Variants in PIAS2 observed in about 807,000 individuals in gnomAD.
The protein encoded by PIAS2 is E3 SUMO-protein ligase PIAS2.
A neutral mutation model predicts 69.7 loss-of-function variants in PIAS2; 19 were observed. That is an observed-to-expected ratio of 0.27 (90% CI 0.19 to 0.40). The LOEUF (loss-of-function observed/expected upper bound fraction) is 0.40. Ranked by LOEUF, PIAS2 falls within the 10% of genes least tolerant of loss-of-function variation. The probability of loss-of-function intolerance (pLI) is 1.00; values close to 1 mark genes in which losing one functional copy is unlikely to be tolerated. For synonymous variants in PIAS2, 261 were observed against 263.2 expected, an observed-to-expected ratio of 0.99 and a Z score of 0.08; for missense variants, 624 against 757.0, an observed-to-expected ratio of 0.82 and a Z score of 2.06.
intron 12 of PIAS2, chr18:46,817,854 A>G: frequency 1.0e-6 from 1 of 965,564 alleles, no homozygotes; most frequent in African/African-American, 1.8e-5. Flanking sequence ...TTACATTTTA[A>G]GCAGAATATT....
At chr18:46,846,063 T>C (rs1373744836) in intron 6 of PIAS2, among the ~76,000 whole-genome samples, 1 of 152,220 alleles carries the variant, frequency 6.6e-6, no homozygotes. Context: ...AGAAATTAAC[T>C]GAAATCTCCT....
rs2054797351 is a variant in PIAS2, at chr18:46,895,959, G to A, written c.25-4905C>T. Among the ~76,000 whole-genome samples the A allele has an allele frequency of 2.0e-5, 3 of 151,692 alleles. No homozygotes were observed. The South Asian group carries it at 6.2e-4, about 32-fold the overall frequency. ...AGATAATGATTACAATAACTCCTAG[G>A]TTAAAGAAATCAAATTGAAAATCAA... On this transcript the variant is annotated intron_variant, in intron 1 of 13. Coordinates refer to ENST00000585916, the MANE Select transcript of PIAS2 (RefSeq NM_004671.5).
Position 46,803,472 on chromosome 18 carries a change from G to A in PIAS2, c.*8961C>T, listed in dbSNP as rs2040559485. On this transcript the variant is annotated 3_prime_UTR_variant, in exon 14 of 14. Coordinates refer to ENST00000585916, the MANE Select transcript of PIAS2 (RefSeq NM_004671.5). Reference sequence around the variant, plus strand: ...TTGATTTCCTTGTGTTCCTTTTCCAGTCTTCTTTTCTCACTCATCAACTCC... The same window carrying A: ...TTGATTTCCTTGTGTTCCTTTTCCAATCTTCTTTTCTCACTCATCAACTCC... 1 of 152,042 alleles carries A rather than the reference G, an allele frequency of 6.6e-6. No individual in the cohort carries two copies. Among genetic ancestry groups the A allele is most frequent in the South Asian group, 2.1e-4 (1 of 4,820 alleles). 9.4% of individuals were successfully genotyped at this position (152,042 alleles called of 1,614,324 possible).
intron 2 of PIAS2, among the ~76,000 whole-genome samples, chr18:46,874,775 A>G (rs761699339): frequency 2.6e-5 from 4 of 152,142 alleles, no homozygotes; most frequent in Non-Finnish European, 5.9e-5. Flanking sequence ...CTCAGAACTA[A>G]AGGCCTTTTA....
intron 11 of PIAS2, among the ~76,000 whole-genome samples, chr18:46,823,666 T>C (rs2042453587): frequency 6.6e-6 from 1 of 152,200 alleles, no homozygotes; most frequent in Non-Finnish European, 1.5e-5. Context: ...GCGGTACAAA[T>C]TAGTAAATCA....
chr18:46,819,494 A>G (rs1020723673), intron 12 of PIAS2, among the ~76,000 whole-genome samples: 3 of 152,170 alleles, frequency 2.0e-5, no homozygotes, highest in Admixed American at 6.6e-5. Flanking sequence ...TAAAATGTCT[A>G]TTCTTTTCCA....
intron 2 of PIAS2, among the ~76,000 whole-genome samples, chr18:46,880,051 G>C (rs2051943733): frequency 6.7e-6 from 1 of 149,772 alleles, no homozygotes; most frequent in Non-Finnish European, 1.5e-5. Flanking sequence ...CATGCCACTG[G>C]ATTTTAAAAT....
intron 9 of PIAS2, among the ~76,000 whole-genome samples, 172 bp from the exon 10 acceptor site, chr18:46,830,039 T>C (rs2043368898): frequency 6.6e-6 from 1 of 152,280 alleles, no homozygotes; most frequent in South Asian, 2.1e-4. Flanking sequence ...CTTTGTCCTA[T>C]GTTTTAAATC....
intron 1 of PIAS2, among the ~76,000 whole-genome samples, chr18:46,895,527 C>T (rs987616504): frequency 4.6e-5 from 7 of 151,964 alleles, no homozygotes; most frequent in South Asian, 2.1e-4. Context: ...AAAAATTAGC[C>T]GGGTGTGGTG....
At chr18:46,915,248 A>C (rs1330530289) in intron 1 of PIAS2, 1 of 152,200 alleles carries the variant, frequency 6.6e-6, no homozygotes, top group Non-Finnish European at 1.5e-5. Flanking sequence ...ATAAGTATAG[A>C]AAAAATGCTT....
chr18:46,878,415 T>C (rs16940123), intron 2 of PIAS2, among the ~76,000 whole-genome samples: 2,999 of 152,352 alleles, frequency 0.02, 45 homozygotes, highest in Admixed American at 0.047. Flanking sequence ...CTTTGTAACA[T>C]TGACTTTATC....
intron 4 of PIAS2, 47 bp from the exon 5 acceptor site, chr18:46,855,482 A>G: frequency 1.3e-6 from 2 of 1,574,944 alleles, no homozygotes; most frequent in Non-Finnish European, 1.7e-6. Context: ...GTGCTCAAAC[A>G]TTCTTATATG....
At chr18:46,840,647 A>C (rs1171850350) in intron 8 of PIAS2, among the ~76,000 whole-genome samples, 6 of 152,196 alleles carry the variant, frequency 3.9e-5, no homozygotes, top group Non-Finnish European at 8.8e-5. Flanking sequence ...TATAAGAACT[A>C]ATGAGCATTT....
chr18:46,839,726 G>A (rs1207834902), intron 8 of PIAS2, among the ~76,000 whole-genome samples: 1 of 151,936 alleles, frequency 6.6e-6, no homozygotes, highest in Non-Finnish European at 1.5e-5. Context: ...TTAGCTGGGT[G>A]TGGTGGTGGG....
Position 46,855,626 on chromosome 18 carries a change from G to C in PIAS2, c.585-11C>G, listed in dbSNP as rs761385649. 35 of 1,608,188 alleles carry C rather than the reference G, an allele frequency of 2.2e-5. No homozygotes were observed. The highest frequency in any genetic ancestry group is 2.9e-5 in the Non-Finnish European group (34 of 1,174,940). ...CCTGGCAAAAAATCCCTGTTGGAAA[G>C]AGAAAGAAAATGGGTTAAAAAAGTA... On this transcript the variant is annotated splice_polypyrimidine_tract_variant and intron_variant, in intron 3 of 13. Transcript: ENST00000585916.
At chr18:46,818,270 A>T (rs2041781294) in intron 12 of PIAS2, 2 of 1,308,254 alleles carry the variant, frequency 1.5e-6, no homozygotes, top group East Asian at 6.2e-5. Flanking sequence ...TTTGAGCACC[A>T]TTCGCACCTG....
intron 12 of PIAS2, among the ~76,000 whole-genome samples, chr18:46,820,453 T>C (rs1387760748): frequency 6.6e-6 from 1 of 152,084 alleles, no homozygotes; most frequent in Non-Finnish European, 1.5e-5. Flanking sequence ...ACTGTACATA[T>C]AAAAGATATC....
intron 9 of PIAS2, among the ~76,000 whole-genome samples, chr18:46,834,041 C>G (rs1289632226): frequency 6.6e-6 from 1 of 151,818 alleles, no homozygotes; most frequent in African/African-American, 2.4e-5. Flanking sequence ...TTTACCATCT[C>G]CCATACTAGA....
Position 46,830,490 on chromosome 18 carries a change from T to C in PIAS2, c.1203-623A>G, listed in dbSNP as rs185622227. ...CTGTATTATTTAAACACTGAAGTAG[T>C]ATTTAAAGGAAAATTTATAGCATTA... On this transcript the variant is annotated intron_variant, in intron 9 of 13. Transcript: ENST00000585916. Among the ~76,000 whole-genome samples the C allele has an allele frequency of 8.9e-4, 136 of 152,082 alleles. No homozygotes were observed. In the South Asian group the frequency reaches 0.017, roughly 19 times the overall value.
Sources: gnomAD v4.1 joint callset for allele counts (sites outside exome capture counted in the v4.1 genomes callset) on GRCh38, gnomAD v4.1.1 for gene constraint, MANE v1.5 for transcripts, NCBI Gene and HGNC (gene_info 2026-07-23, HGNC 2026-07-21) for gene names.